Variants in PPP2R3B observed in about 807,000 individuals in gnomAD.
The protein encoded by PPP2R3B is protein phosphatase 2 regulatory subunit B''beta, also known as serine/threonine-protein phosphatase 2A regulatory subunit B'' subunit beta.
A neutral mutation model predicts 72.9 loss-of-function variants in PPP2R3B; 68 were observed. The observed-to-expected ratio is 0.93, with a 90% CI of 0.77 to 1.14. PPP2R3B has a LOEUF of 1.14. Among genes scored for constraint, PPP2R3B ranks in the 50% most tolerant of loss-of-function variants. The probability of loss-of-function intolerance (pLI) is 0.00; values close to 1 mark genes in which losing one functional copy is unlikely to be tolerated. For missense variants in PPP2R3B, 1,018 were observed against 842.0 expected (o/e 1.21, Z -2.59); for synonymous variants, 466 against 375.8 (o/e 1.24, Z -2.78).
chrX:381,086 C>T (rs150478116), intron 1 of PPP2R3B, among the ~76,000 whole-genome samples: 188 of 152,132 alleles, frequency 1.2e-3, no homozygotes, highest in African/African-American at 4.4e-3. Flanking sequence ...AACCACCATG[C>T]CTGGCTGATT....
chrX:379,024 T>C (rs2072059313), intron 1 of PPP2R3B, among the ~76,000 whole-genome samples: 1 of 144,034 alleles, frequency 6.9e-6, no homozygotes, highest in African/African-American at 2.4e-5. Context: ...TGTATGTACA[T>C]GCACCTGTGT....
At chrX:373,670 C>G (rs1374859716) in intron 1 of PPP2R3B, 1 of 209,752 alleles carries the variant, frequency 4.8e-6, no homozygotes, top group South Asian at 5.6e-5. Flanking sequence ...CGCCGGCGCG[C>G]AGGGCTCTCC....
At chrX:374,119 C>T (rs1026174750) in intron 1 of PPP2R3B, 14 of 151,128 alleles carry the variant, frequency 9.3e-5, no homozygotes, top group African/African-American at 3.1e-4. Context: ...CAACAGGTCC[C>T]CGAGAGGAGA....
At chrX:381,093 GATTTTACT>G (rs2072114698) in intron 1 of PPP2R3B, among the ~76,000 whole-genome samples, 3 of 151,948 alleles carry the variant, frequency 2.0e-5, no homozygotes, top group Non-Finnish European at 4.4e-5. Flanking sequence ...ATGCCTGGCT[GATTTTACT>G]ATTTTACAGA....
chrX:358,480 C>G (rs1456330229), intron 2 of PPP2R3B, among the ~76,000 whole-genome samples: 1 of 135,466 alleles, frequency 7.4e-6, no homozygotes, highest in Non-Finnish European at 1.6e-5. Flanking sequence ...GGACTCCCAG[C>G]GGTGCAGACG....
At chrX:369,916 G>A (rs986332713) in intron 1 of PPP2R3B, among the ~76,000 whole-genome samples, 144 of 152,278 alleles carry the variant, frequency 9.5e-4, no homozygotes, top group African/African-American at 3.5e-3. Flanking sequence ...TGGAATCAGG[G>A]ACGGGGGGTT....
chrX:373,561 A>G, intron 1 of PPP2R3B: 1 of 265,124 alleles, frequency 3.8e-6, no homozygotes, highest in South Asian at 3.2e-5. Flanking sequence ...CGCTTCTTGA[A>G]CCGAGAGGGC....
At chrX:341,832 G>C (rs374711197) in intron 8 of PPP2R3B, 51 bp downstream of exon 8, 65 of 1,592,366 alleles carry the variant, frequency 4.1e-5, no homozygotes, top group Middle Eastern at 1.7e-4. Flanking sequence ...GAGAGGGACC[G>C]GGGTCCTCGC....
intron 12 of PPP2R3B, 132 bp downstream of exon 12, chrX:338,472 G>A: frequency 4.4e-6 from 4 of 907,190 alleles, no homozygotes; most frequent in African/African-American, 1.7e-5. Context: ...GCCCCTCTGT[G>A]TCCGCGCACC....
chrX:363,660 A>G (rs1200533839), intron 1 of PPP2R3B, among the ~76,000 whole-genome samples: 354 of 1,524 alleles, frequency 0.23, 20 homozygotes, highest in Admixed American at 0.28. Context: ...CCCTGTGCCC[A>G]CCATCCCACA....
rs1273147752 is a variant in PPP2R3B, at chrX:340,828, C to T, written c.1288G>A (p.Glu430Lys). 5 of 1,611,256 alleles carry T rather than the reference C, an allele frequency of 3.1e-6. No individual in the cohort carries two copies. Among genetic ancestry groups the T allele is most frequent in the East Asian group, 4.5e-5 (2 of 44,794 alleles). Residue 430 changes from glutamate (E) to lysine (K), a missense_variant, in exon 10 of 13, where the codon GAG becomes AAG. Coordinates refer to ENST00000390665, the MANE Select transcript of PPP2R3B (RefSeq NM_013239.5). ...QCRRLDSMAIEALPFQDCLCQ... is the reference protein window; with the variant it reads ...QCRRLDSMAIKALPFQDCLCQ... ...AGGCAGTCCTGGAAGGGCAGGGCCT[C>T]GATGGCCATGCTGTCCAGCCTTCGG...
chrX:365,271 GA>G (rs1569406981), intron 1 of PPP2R3B, among the ~76,000 whole-genome samples: 1 of 25,612 alleles, frequency 3.9e-5, no homozygotes, highest in Non-Finnish European at 6.8e-5. Flanking sequence ...CCAGCTACTC[GA>G]GAGGCTGAGG....
At chrX:345,786 G>T in intron 6 of PPP2R3B, 114 bp from the exon 7 acceptor site, 1 of 1,119,120 alleles carries the variant, frequency 8.9e-7, no homozygotes, top group Non-Finnish European at 1.3e-6. Flanking sequence ...TCCGTGGGTG[G>T]GGGGGACTGG....
At chrX:347,509 G>C (rs1167958712) in intron 3 of PPP2R3B, 81 bp downstream of exon 3, 7 of 1,455,306 alleles carry the variant, frequency 4.8e-6, no homozygotes, top group Non-Finnish European at 5.7e-6. Context: ...GCAGCCTCAG[G>C]GGGCACCCGT....
Position 345,458 on chromosome X carries a change from T to C in PPP2R3B, c.1036+58A>G, listed in dbSNP as rs777050054. 2.5e-6 allele frequency: 4 copies of C among 1,606,280 alleles called. No homozygotes were observed. In the Admixed American group the frequency reaches 6.7e-5, roughly 27 times the overall value. ...GAGGCAGCTGCAGACCCGCAGGCCC[T>C]GAGAGAAGGGTGTGCTCGGTGTCCG... On this transcript the variant is annotated intron_variant, in intron 7 of 12. Coordinates refer to ENST00000390665, the MANE Select transcript of PPP2R3B (RefSeq NM_013239.5).
At chrX:345,746 G>T in intron 6 of PPP2R3B, 74 bp from the exon 7 acceptor site, 1 of 1,562,902 alleles carries the variant, frequency 6.4e-7, no homozygotes, top group Non-Finnish European at 8.7e-7. Flanking sequence ...CTGCGGGCGG[G>T]GCAGGGAAGG....
chrX:354,077 C>CG (rs1569395439), intron 2 of PPP2R3B, among the ~76,000 whole-genome samples: 22 of 134,434 alleles, frequency 1.6e-4, no homozygotes, highest in East Asian at 7.1e-4. Flanking sequence ...GCCCAAAGAC[C>CG]GGGGCTCACC....
At position 341,030 on chromosome X, in the gene PPP2R3B, C is replaced by T. The variant is rs775940206; in HGVS notation, c.1176-90G>A. On this transcript the variant is annotated intron_variant, in intron 9 of 12. Coordinates refer to ENST00000390665, the MANE Select transcript of PPP2R3B (RefSeq NM_013239.5). ...TGAGGCAGCCCCCACCGGGGGTGCA[C>T]GCGTCCCCGCTGTGCCTTGCAGCCC... The T allele has an allele frequency of 1.4e-5, 21 of 1,515,128 alleles. No individual in the cohort carries two copies. The Middle Eastern group carries it at 7.2e-4, about 52-fold the overall frequency. 93.9% of individuals were successfully genotyped at this position (1,515,128 alleles called of 1,614,324 possible). A position where few individuals can be genotyped will look rare whatever the true frequency, so the allele number is the denominator to read the frequency against.
intron 1 of PPP2R3B, among the ~76,000 whole-genome samples, chrX:381,108 C>T (rs2072114937): frequency 6.6e-6 from 1 of 151,938 alleles, no homozygotes; most frequent in Non-Finnish European, 1.5e-5. Context: ...TACTATTTTA[C>T]AGAGATGGGG....
Sources: gnomAD v4.1 joint callset for allele counts (sites outside exome capture counted in the v4.1 genomes callset) on GRCh38, gnomAD v4.1.1 for gene constraint, MANE v1.5 for transcripts, NCBI Gene and HGNC (gene_info 2026-07-23, HGNC 2026-07-21) for gene names.